Variants in NAGPA observed in about 807,000 individuals in gnomAD.
NAGPA encodes the protein N-acetylglucosamine-1-phosphodiester alpha-N-acetylglucosaminidase.
NAGPA carries 56 observed loss-of-function variants against 48.5 expected under a neutral mutation model. The observed-to-expected ratio is 1.15, with a 90% CI of 0.93 to 1.44. The LOEUF is 1.44. NAGPA is among the 40% of genes most tolerant of loss of function. The pLI is 0.00. For missense variants in NAGPA, 888 were observed against 735.0 expected (o/e 1.21, Z -2.41); for synonymous variants, 399 against 315.5 (o/e 1.26, Z -2.81).
intron 2 of NAGPA, among the ~76,000 whole-genome samples, chr16:5,032,593 C>T (rs566643886): frequency 4.6e-5 from 7 of 151,994 alleles, no homozygotes; most frequent in African/African-American, 1.7e-4. Flanking sequence ...GCAGGAGAAT[C>T]GCTTGAACCC....
At chr16:5,027,797 T>C (rs780551899) in intron 7 of NAGPA, 49 bp downstream of exon 7, 1 of 1,549,270 alleles carries the variant, frequency 6.5e-7, no homozygotes, top group Non-Finnish European at 8.7e-7. Flanking sequence ...CAGTGGGGGC[T>C]GCCGGGGGCC....
Position 5,030,102 on chromosome 16 carries a change from T to C in NAGPA, c.791+283A>G, listed in dbSNP as rs111227728. On this transcript the variant is annotated intron_variant, in intron 4 of 9. Coordinates refer to ENST00000312251, the MANE Select transcript of NAGPA (RefSeq NM_016256.4). Reference sequence around the variant, plus strand: ...CAAGTCATCGATGGCTAAGCTGGGATTGGAACCAAGATCTTCTCCCTGCTC... The same window carrying C: ...CAAGTCATCGATGGCTAAGCTGGGACTGGAACCAAGATCTTCTCCCTGCTC... 2,894 of 541,172 alleles carry C rather than the reference T, an allele frequency of 5.3e-3. 32 individuals are homozygous for C. Among genetic ancestry groups the C allele is most frequent in the African/African-American group, 0.029 (1,548 of 52,652 alleles). The allele number at this position is 541,172 out of a possible 1,614,324, so 33.5% of individuals were successfully genotyped here.
intron 4 of NAGPA, 191 bp downstream of exon 4, chr16:5,030,194 A>C (rs1956074988): frequency 4.8e-6 from 3 of 630,310 alleles, no homozygotes. Flanking sequence ...GCTGAAGATG[A>C]TGAGTTCTTG....
chr16:5,025,804 A>C, intron 9 of NAGPA, 119 bp from the exon 10 acceptor site: 1 of 1,037,698 alleles, frequency 9.6e-7, no homozygotes, highest in East Asian at 2.6e-5. Context: ...GCCTCCAGGG[A>C]CCACACAGGG....
Position 5,031,586 on chromosome 16 carries a change from A to C in NAGPA, c.682+159T>G, listed in dbSNP as rs986617948. ...AACTATTTTTTGTCCTATATATTCA[A>C]TATAAGCCTATCTTCCTCCCCATGA... is the stretch of plus-strand genomic sequence containing the variant. On this transcript the variant is annotated intron_variant, in intron 3 of 9. Coordinates refer to ENST00000312251, the MANE Select transcript of NAGPA (RefSeq NM_016256.4). The C allele has an allele frequency of 3.2e-6, 3 of 946,054 alleles. No homozygotes were observed. In the East Asian group the frequency reaches 7.2e-5, roughly 23 times the overall value. 58.6% of individuals were successfully genotyped at this position (946,054 alleles called of 1,614,324 possible).
intron 7 of NAGPA, 128 bp downstream of exon 7, chr16:5,027,718 A>G: frequency 7.3e-7 from 1 of 1,362,380 alleles, no homozygotes; most frequent in Non-Finnish European, 1.0e-6. Context: ...TGTGCAGGTG[A>G]GGCCGGGGCA....
intron 4 of NAGPA, chr16:5,029,960 G>C (rs898097733): frequency 3.5e-6 from 1 of 287,632 alleles, no homozygotes. Flanking sequence ...TCCCTGCTGA[G>C]TGTTGCTAAA....
chr16:5,027,952 G>C, intron 6 of NAGPA, 28 bp downstream of exon 6: 2 of 1,613,790 alleles, frequency 1.2e-6, no homozygotes, highest in South Asian at 1.1e-5. Context: ...GGGCTGGGCA[G>C]AGCCCCCTCC....
Position 5,033,874 on chromosome 16 carries a change from G to C in NAGPA, c.41C>G (p.Ala14Gly). 1.3e-6 allele frequency: 2 copies of C among 1,549,346 alleles called. No individual in the cohort carries two copies. Among genetic ancestry groups the C allele is most frequent in the Non-Finnish European group, 8.7e-7 (1 of 1,146,970 alleles). Residue 14 changes from alanine to glycine, a missense_variant, in exon 1 of 10, where the codon GCA becomes GGA. Physicochemically the swap from Ala to Gly is moderately conservative, Grantham distance 60. Transcript: ENST00000312251. The surrounding 1 kb of genome is among the most constrained non-coding windows in gnomAD (Gnocchi z 4.2). ...CGCTTCCCAGAGGAAGCCGAATAGT[G>C]CAAGCCGGAGGAGAAGCCAGCGACC... is the stretch of plus-strand genomic sequence containing the variant. ...STGRWLLLRL[A>G]LFGFLWEASG...
intron 7 of NAGPA, 76 bp from the exon 8 acceptor site, chr16:5,027,455 G>C (rs893087525): frequency 2.1e-5 from 31 of 1,454,448 alleles, no homozygotes; most frequent in Non-Finnish European, 3.0e-5. Flanking sequence ...TTTCTCGACA[G>C]GACAGGATAC....
At chr16:5,031,694 C>T in intron 3 of NAGPA, 51 bp downstream of exon 3, 1 of 1,613,200 alleles carries the variant, frequency 6.2e-7, no homozygotes. Flanking sequence ...CCGCCCAGCC[C>T]ACTGGTCCTG....
intron 9 of NAGPA, among the ~76,000 whole-genome samples, chr16:5,026,003 A>G (rs1596658836): frequency 6.7e-6 from 1 of 149,038 alleles, no homozygotes; most frequent in Non-Finnish European, 1.5e-5. Context: ...ATCTCAGCTC[A>G]CTGCAATCTC....
At chr16:5,030,316 G>T in intron 4 of NAGPA, 69 bp downstream of exon 4, 1 of 1,402,274 alleles carries the variant, frequency 7.1e-7, no homozygotes, top group Non-Finnish European at 9.9e-7. Context: ...GAGGGTGGCT[G>T]TCATTGGGTC....
Position 5,033,923 on chromosome 16 carries a change from G to A in NAGPA, c.-9C>T, listed in dbSNP as rs993727331. The A allele has an allele frequency of 1.3e-6, 2 of 1,548,664 alleles. No individual in the cohort carries two copies. Among genetic ancestry groups the A allele is most frequent in the African/African-American group, 1.4e-5 (1 of 73,096 alleles). On this transcript the variant is annotated 5_prime_UTR_variant, in exon 1 of 10. Coordinates refer to ENST00000312251, the MANE Select transcript of NAGPA (RefSeq NM_016256.4). This position sits in a 1 kb window ranked among gnomAD's most constrained non-coding sequence, Gnocchi z 4.2. Reference sequence around the variant, plus strand: ...CCCGTGGAGGTCGCCATATTGGACCGGGGCCTCGGGTCATGTGGGCTCGCC... The same window carrying A: ...CCCGTGGAGGTCGCCATATTGGACCAGGGCCTCGGGTCATGTGGGCTCGCC...
rs934850844 is a variant in NAGPA at position 5,031,828 on chromosome 16, C to G, written c.599G>C (p.Ser200Thr). The G allele has an allele frequency of 6.2e-7, 1 of 1,614,214 alleles. No individual in the cohort carries two copies. Residue 200 changes from serine to threonine, a missense_variant, in exon 3 of 10, where the codon AGT becomes ACT. By Grantham distance (58) the Ser-to-Thr change is moderately conservative (BLOSUM62 1). Coordinates refer to ENST00000312251, the MANE Select transcript of NAGPA (RefSeq NM_016256.4). ...DTENPFVQLLSGVVWLIRNGS... is the reference protein window; with the variant it reads ...DTENPFVQLLTGVVWLIRNGS... ...ATTACGAATCAGCCACACGACCCCA[C>G]TCAGCAGCTGCACAAATGGGTTCTC...
Position 5,031,732 on chromosome 16 carries a change from C to A in NAGPA, c.682+13G>T, listed in dbSNP as rs759986348. ...TCTCGAGAGGGTTGTTGCCAACAGC[C>A]TCCCCATCCAACCTGTCTCCTGTGT... is the stretch of plus-strand genomic sequence containing the variant. On this transcript the variant is annotated intron_variant, in intron 3 of 9. Transcript: ENST00000312251. The A allele has an allele frequency of 1.2e-6, 2 of 1,613,966 alleles. No homozygotes were observed. Among genetic ancestry groups the A allele is most frequent in the African/African-American group, 2.7e-5 (2 of 74,892 alleles).
chr16:5,031,458 C>G, intron 3 of NAGPA: 1 of 415,294 alleles, frequency 2.4e-6, no homozygotes, highest in Non-Finnish European at 4.5e-6. Context: ...TTTCTCTTCA[C>G]TTTTCTCTTC....
chr16:5,025,207 C>A lies in NAGPA; in HGVS notation c.*271G>T. The stretch of plus-strand genomic sequence containing the variant: ...CTCTTTGGCAGTGCGGCAGCCCTCC[C>A]GGGGGCACGGGCTTCTCGGCAGCAG... On this transcript the variant is annotated 3_prime_UTR_variant, in exon 10 of 10. Coordinates refer to ENST00000312251, the MANE Select transcript of NAGPA (RefSeq NM_016256.4). The A allele has an allele frequency of 3.8e-6, 2 of 527,914 alleles. No individual in the cohort carries two copies. The highest frequency in any genetic ancestry group is 4.2e-5 in the South Asian group (2 of 47,384). 32.7% of individuals were successfully genotyped at this position (527,914 alleles called of 1,614,324 possible).
At position 5,033,199 on chromosome 16, in the gene NAGPA, A is replaced by C; in HGVS notation, c.542+74T>G. The C allele has an allele frequency of 6.6e-7, 1 of 1,509,748 alleles. No homozygotes were observed. The highest frequency in any genetic ancestry group is 1.2e-5 in the South Asian group (1 of 83,728). The allele number at this position is 1,509,748 out of a possible 1,614,324, so 93.5% of individuals were successfully genotyped here. On this transcript the variant is annotated intron_variant, in intron 2 of 9. Coordinates refer to ENST00000312251, the MANE Select transcript of NAGPA (RefSeq NM_016256.4). The surrounding 1 kb of genome is among the most constrained non-coding windows in gnomAD (Gnocchi z 4.2). The stretch of plus-strand genomic sequence containing the variant: ...GGGCTCAGCTTGGTTAAGTGACTTG[A>C]ACACGGAGGCACGGCTACAACCCAA...
Sources: gnomAD v4.1 joint callset for allele counts (sites outside exome capture counted in the v4.1 genomes callset) on GRCh38, gnomAD v4.1.1 for gene constraint, Gnocchi (gnomAD v3.1) non-coding constraint, MANE v1.5 for transcripts, NCBI Gene and HGNC (gene_info 2026-07-23, HGNC 2026-07-21) for gene names.